Variants in IPP observed in about 807,000 individuals in gnomAD.
IPP encodes the protein intracisternal A particle-promoted polypeptide, also known as actin-binding protein IPP.
A neutral mutation model predicts 64.1 loss-of-function variants in IPP; 41 were observed. The observed-to-expected ratio is 0.64, with a 90% CI of 0.50 to 0.83. IPP has a LOEUF of 0.83. Among genes scored for constraint, IPP ranks in the 40% least tolerant of loss-of-function variants. The probability of loss-of-function intolerance (pLI) is 0.00; values close to 1 mark genes in which losing one functional copy is unlikely to be tolerated. For missense variants in IPP, 649 were observed against 703.0 expected, an observed-to-expected ratio of 0.92 and a Z score of 0.87; for synonymous variants, 214 against 235.2, an observed-to-expected ratio of 0.91 and a Z score of 0.83.
intron 7 of IPP, among the ~76,000 whole-genome samples, chr1:45,716,624 C>T (rs1276578948): frequency 1.3e-5 from 2 of 152,220 alleles, no homozygotes; most frequent in Admixed American, 1.3e-4. Flanking sequence ...ACAGATAACA[C>T]TTCAAATGTT....
chr1:45,726,614 G>C (rs1381804809), intron 5 of IPP, among the ~76,000 whole-genome samples: 1 of 151,844 alleles, frequency 6.6e-6, no homozygotes, highest in African/African-American at 2.4e-5. Context: ...TGTTGACTTG[G>C]TTTTTACGTA....
chr1:45,744,445 T>C (rs1337780753), intron 2 of IPP, among the ~76,000 whole-genome samples: 1 of 152,116 alleles, frequency 6.6e-6, no homozygotes, highest in Non-Finnish European at 1.5e-5. Flanking sequence ...GTGCAGCAGC[T>C]TGATCATAGC....
At position 45,699,183 on chromosome 1, in the gene IPP, G is replaced by A; in HGVS notation, c.*783C>T. 1 of 985,096 alleles carries A rather than the reference G, an allele frequency of 1.0e-6. No individual in the cohort carries two copies. The highest frequency in any genetic ancestry group is 1.2e-6 in the Non-Finnish European group (1 of 829,746). 61.0% of individuals were successfully genotyped at this position (985,096 alleles called of 1,614,324 possible). On this transcript the variant is annotated 3_prime_UTR_variant, in exon 9 of 9. Coordinates refer to ENST00000396478, the MANE Select transcript of IPP (RefSeq NM_005897.3). The stretch of plus-strand genomic sequence containing the variant: ...GCAAAAACTTATCATCAAGCAAAAA[G>A]GTATCTATCTATTAAAATAGCTAGA...
chr1:45,703,668 A>C (rs573341074), intron 8 of IPP, among the ~76,000 whole-genome samples: 1 of 152,238 alleles, frequency 6.6e-6, no homozygotes, highest in Non-Finnish European at 1.5e-5. Context: ...AATATAGTTG[A>C]CCAGGGAAAC....
chr1:45,738,850 A>AAAAAAAAAAAAAAAAC (rs1646017393), intron 3 of IPP, among the ~76,000 whole-genome samples: 8 of 139,128 alleles, frequency 5.8e-5, no homozygotes, highest in African/African-American at 8.1e-5. Context: ...AAAAAAAAAA[A>AAAAAAAAAAAAAAAAC]AAAAAAAAAA....
intron 6 of IPP, among the ~76,000 whole-genome samples, chr1:45,718,951 C>A (rs950018930): frequency 1.3e-5 from 2 of 148,708 alleles, no homozygotes; most frequent in Non-Finnish European, 3.0e-5. Flanking sequence ...GATAGTGCAA[C>A]AGGGTGACTA....
At position 45,699,012 on chromosome 1, in the gene IPP, C is replaced by A; in HGVS notation, c.*954G>T. ...AAAGTGCTGGGATTACAGGTGTGAG[C>A]CACCATGCCCAGCCTAAAAAAGGGA... On this transcript the variant is annotated 3_prime_UTR_variant, in exon 9 of 9. Transcript: ENST00000396478. The A allele has an allele frequency of 2.0e-6, 2 of 983,904 alleles. No homozygotes were observed. The highest frequency in any genetic ancestry group is 2.4e-6 in the Non-Finnish European group (2 of 828,626). The allele number at this position is 983,904 out of a possible 1,614,324, so 60.9% of individuals were successfully genotyped here.
intron 2 of IPP, among the ~76,000 whole-genome samples, chr1:45,744,000 A>G (rs979262791): frequency 6.6e-5 from 10 of 152,042 alleles, no homozygotes; most frequent in African/African-American, 2.2e-4. Flanking sequence ...CTGGGCGACA[A>G]AGTGAAACCC....
At chr1:45,724,924 T>G (rs1645792193) in intron 5 of IPP, among the ~76,000 whole-genome samples, 3 of 137,402 alleles carry the variant, frequency 2.2e-5, no homozygotes, top group South Asian at 2.5e-4. Flanking sequence ...AGCCGCCCCG[T>G]CCGGGAGGTG....
rs72885382 is a variant in IPP, at chr1:45,738,927, T to C, written c.724+1974A>G. Among the ~76,000 whole-genome samples, 763 of 150,848 alleles carry C rather than the reference T, an allele frequency of 5.1e-3. 6 individuals carry two copies. Among genetic ancestry groups the C allele is most frequent in the African/African-American group, 0.017 (718 of 41,098 alleles). Reference sequence around the variant, plus strand: ...CTATGTGACAAAAATGTTGTGACTATAGGCTTGCAGGAACCTAAACCTGTA... The same window carrying C: ...CTATGTGACAAAAATGTTGTGACTACAGGCTTGCAGGAACCTAAACCTGTA... On this transcript the variant is annotated intron_variant, in intron 3 of 8. Transcript: ENST00000396478.
At chr1:45,716,836 A>G in intron 7 of IPP, 59 bp downstream of exon 7, 1 of 1,500,598 alleles carries the variant, frequency 6.7e-7, no homozygotes, top group East Asian at 2.3e-5. Flanking sequence ...ATAAGGCCTC[A>G]AACTCAAACA....
intron 1 of IPP, among the ~76,000 whole-genome samples, chr1:45,747,927 G>A (rs56222545): frequency 7.2e-6 from 1 of 138,610 alleles, no homozygotes; most frequent in Non-Finnish European, 1.5e-5. Flanking sequence ...AGATGACTAA[G>A]ATTTTGTAAT....
intron 5 of IPP, among the ~76,000 whole-genome samples, chr1:45,720,852 T>C (rs1212146703): frequency 1.3e-5 from 2 of 152,134 alleles, no homozygotes; most frequent in Non-Finnish European, 2.9e-5. Context: ...GGTAGATTAC[T>C]GACATAAGTA....
intron 5 of IPP, among the ~76,000 whole-genome samples, chr1:45,725,463 G>A (rs1367359227): frequency 7.1e-6 from 1 of 141,782 alleles, no homozygotes; most frequent in African/African-American, 2.6e-5. Context: ...CGGGAGGGAG[G>A]TGGGGGTGTC....
chr1:45,747,782 C>T (rs892835850), intron 1 of IPP, among the ~76,000 whole-genome samples: 3 of 132,696 alleles, frequency 2.3e-5, no homozygotes, highest in African/African-American at 8.6e-5. Flanking sequence ...GAGCTGAGAT[C>T]ACACCACTGC....
At chr1:45,740,095 C>T (rs550021386) in intron 3 of IPP, among the ~76,000 whole-genome samples, 1 of 152,100 alleles carries the variant, frequency 6.6e-6, no homozygotes, top group Non-Finnish European at 1.5e-5. Flanking sequence ...TCCATTTAAC[C>T]CTGAGTGGAC....
chr1:45,715,458 G>A (rs965330228), intron 7 of IPP, among the ~76,000 whole-genome samples: 2 of 151,896 alleles, frequency 1.3e-5, no homozygotes, highest in African/African-American at 2.4e-5. Context: ...TGGCTAACAC[G>A]GTGAAACCCC....
In IPP at chr1:45,699,056, C is replaced by T. The variant is rs1162283622; in HGVS notation, c.*910G>A. The T allele has an allele frequency of 1.0e-6, 1 of 985,332 alleles. No homozygotes were observed. The highest frequency in any genetic ancestry group is 1.2e-6 in the Non-Finnish European group (1 of 830,054). The allele number at this position is 985,332 out of a possible 1,614,324, so 61.0% of individuals were successfully genotyped here. On this transcript the variant is annotated 3_prime_UTR_variant, in exon 9 of 9. Coordinates refer to ENST00000396478, the MANE Select transcript of IPP (RefSeq NM_005897.3). ...AAAGGGAGAAATTTCTAGGTGCATA[C>T]TGCCTGCTGGACTGTATAGCCCATT...
At chr1:45,724,369 A>T (rs866361253) in intron 5 of IPP, among the ~76,000 whole-genome samples, 1,728 of 147,730 alleles carry the variant, frequency 0.012, 19 homozygotes, top group African/African-American at 0.038. Flanking sequence ...CCTCCCAAAG[A>T]GCCGAGATTG....
Sources: allele counts gnomAD v4.1 joint callset (sites outside exome capture counted in the v4.1 genomes callset), GRCh38; gene constraint gnomAD v4.1.1; transcripts MANE v1.5; gene names NCBI Gene and HGNC (gene_info 2026-07-23, HGNC 2026-07-21).